Variants in JADE2 observed in about 807,000 individuals in gnomAD.
JADE2 encodes the protein jade family PHD finger 2.
JADE2 carries 13 observed loss-of-function variants against 85.7 expected under a neutral mutation model. The ratio of observed to expected loss-of-function variants is 0.15; its 90% CI spans 0.10 to 0.24. JADE2 has a LOEUF of 0.24. Ranked by LOEUF, JADE2 falls within the 10% of genes least tolerant of loss-of-function variation. JADE2 has a pLI of 1.00. For missense variants in JADE2, 846 were observed against 1,115.9 expected (o/e 0.76, Z 3.45); for synonymous variants, 440 against 456.1 (o/e 0.96, Z 0.45).
Position 134,551,529 on chromosome 5 carries a change from CT to C in JADE2, c.154-509del, listed in dbSNP as rs572386911. On this transcript the variant is annotated intron_variant, in intron 3 of 11. Transcript: ENST00000681547. ...CAGGTGTGAGCCACCTTGCCTGGCC[CT>C]TTTTTTTTTTTTTAATTTTTTAATT... Among the ~76,000 whole-genome samples the C allele has an allele frequency of 7.6e-3, 1,086 of 142,620 alleles. 8 individuals carry two copies. Among genetic ancestry groups the C allele is most frequent in the African/African-American group, 0.018 (713 of 39,182 alleles). 93.6% of individuals were successfully genotyped at this position (142,620 alleles called of 152,430 possible). A position where few individuals can be genotyped will look rare whatever the true frequency, so the allele number is the denominator to read the frequency against.
intron 1 of JADE2, among the ~76,000 whole-genome samples, chr5:134,533,233 C>T (rs186639117): frequency 1.1e-4 from 17 of 152,344 alleles, no homozygotes; most frequent in African/African-American, 4.1e-4. Context: ...TACTATCTGG[C>T]ACCCATATGG....
intron 3 of JADE2, among the ~76,000 whole-genome samples, chr5:134,551,047 C>T (rs1017037209): frequency 2.0e-5 from 3 of 152,112 alleles, no homozygotes; most frequent in Admixed American, 6.6e-5. Context: ...CCCTAAGCCC[C>T]GGCCGTCCCC....
intron 3 of JADE2, among the ~76,000 whole-genome samples, chr5:134,547,163 C>G (rs1050365434): frequency 1.3e-5 from 2 of 152,168 alleles, no homozygotes; most frequent in African/African-American, 4.8e-5. Flanking sequence ...TCTGCAGTCT[C>G]AGAAAAAGAC....
At chr5:134,572,719 C>T (rs142309068) in intron 9 of JADE2, among the ~76,000 whole-genome samples, 230 of 152,326 alleles carry the variant, frequency 1.5e-3, no homozygotes, top group African/African-American at 5.2e-3. Context: ...TGTGGCCTGC[C>T]CTGAGAGCAG....
intron 6 of JADE2, 132 bp downstream of exon 6, chr5:134,561,089 AT>A (rs1763295295): frequency 1.3e-6 from 1 of 759,380 alleles, no homozygotes; most frequent in African/African-American, 1.7e-5. Context: ...AATGGTGAGG[AT>A]GCTTCATGGT....
chr5:134,566,612 C>A lies in JADE2; in HGVS notation c.1434+32C>A. Reference sequence around the variant, plus strand: ...CCCCATGCCGCCTGCCCACCCCCTGCCTGGTGGGTCCAGGAGTCCTTTCCA... The same window carrying A: ...CCCCATGCCGCCTGCCCACCCCCTGACTGGTGGGTCCAGGAGTCCTTTCCA... On this transcript the variant is annotated intron_variant, in intron 9 of 11. Coordinates refer to ENST00000681547, the MANE Select transcript of JADE2 (RefSeq NM_001388185.1). The surrounding 1 kb of genome is among the most constrained non-coding windows in gnomAD (Gnocchi z 6.7). The A allele has an allele frequency of 6.9e-7, 1 of 1,453,248 alleles. No individual in the cohort carries two copies. Among genetic ancestry groups the A allele is most frequent in the Non-Finnish European group, 9.3e-7 (1 of 1,072,650 alleles). The allele number at this position is 1,453,248 out of a possible 1,614,324, so 90.0% of individuals were successfully genotyped here. A position where few individuals can be genotyped will look rare whatever the true frequency, so the allele number is the denominator to read the frequency against.
chr5:134,544,381 C>T, intron 3 of JADE2: 1 of 165,822 alleles, frequency 6.0e-6, no homozygotes. Context: ...GCCAAAACAC[C>T]CAGGCTTTGC....
chr5:134,566,415 G>C lies in JADE2; in HGVS notation c.1269G>C (p.Leu423=), dbSNP rs562405170. The C allele has an allele frequency of 6.8e-6, 11 of 1,613,918 alleles. No individual in the cohort carries two copies. The South Asian group carries it at 1.2e-4, about 18-fold the overall frequency. The change falls in exon 9 of 12, where the codon CTG becomes CTC. Residue 423 remains leucine (L), a synonymous_variant. Coordinates refer to ENST00000681547, the MANE Select transcript of JADE2 (RefSeq NM_001388185.1). This position sits in a 1 kb window ranked among gnomAD's most constrained non-coding sequence, Gnocchi z 6.7. The part of the protein sequence containing the change: ...VAERLDLAEA[L]VDFIYQYWKL... ...AGCGGCTGGACCTGGCTGAGGCACT[G>C]GTCGACTTCATCTACCAGTACTGGA... is the stretch of plus-strand genomic sequence containing the variant.
chr5:134,573,853 G>T (rs545285071), intron 10 of JADE2, 91 bp downstream of exon 10: 5 of 858,022 alleles, frequency 5.8e-6, no homozygotes, highest in Non-Finnish European at 1.0e-5. Context: ...GGATCCTGGT[G>T]GGGGTATGTG....
At position 134,571,697 on chromosome 5, in the gene JADE2, G is replaced by A. The variant is rs776522929; in HGVS notation, c.1435-1948G>A. Among the ~76,000 whole-genome samples the A allele has an allele frequency of 3.3e-5, 5 of 151,936 alleles. No individual in the cohort carries two copies. In the South Asian group the frequency reaches 8.3e-4, roughly 25 times the overall value. On this transcript the variant is annotated intron_variant, in intron 9 of 11. Coordinates refer to ENST00000681547, the MANE Select transcript of JADE2 (RefSeq NM_001388185.1). Reference sequence around the variant, plus strand: ...AGGCGACAGACCGAGACCCCGTCTCGAAAGAAAAAAAAGAAAATCCAATCC... The same window carrying A: ...AGGCGACAGACCGAGACCCCGTCTCAAAAGAAAAAAAAGAAAATCCAATCC...
chr5:134,527,934 T>G (rs1760973163), intron 1 of JADE2, among the ~76,000 whole-genome samples: 1 of 152,174 alleles, frequency 6.6e-6, no homozygotes, highest in Non-Finnish European at 1.5e-5. Flanking sequence ...CTAGCACCCC[T>G]GGGTCATCTT....
intron 3 of JADE2, among the ~76,000 whole-genome samples, chr5:134,548,412 T>TA (rs2149921318): frequency 6.6e-6 from 1 of 152,308 alleles, no homozygotes; most frequent in South Asian, 2.1e-4. Flanking sequence ...TGGTAGTACT[T>TA]ACCTCACAGA....
chr5:134,577,101 A>C, intron 11 of JADE2: 1 of 585,350 alleles, frequency 1.7e-6, no homozygotes, highest in Non-Finnish European at 2.9e-6. Context: ...ATCCTGGGAA[A>C]TGCCCCGTCT....
At chr5:134,574,173 G>T in intron 10 of JADE2, 1 of 293,844 alleles carries the variant, frequency 3.4e-6, no homozygotes, top group Admixed American at 5.1e-5. Flanking sequence ...TCCGAAGAAG[G>T]CAGCTGTCCC....
chr5:134,571,426 C>T lies in JADE2; in HGVS notation c.1435-2219C>T, dbSNP rs552110981. Among the ~76,000 whole-genome samples the T allele has an allele frequency of 1.1e-4, 17 of 152,282 alleles. No individual in the cohort carries two copies. In the East Asian group the frequency reaches 1.4e-3, roughly 12 times the overall value. ...TGAAAATCCAGCCCTGGGCCGGGCG[C>T]GGTGGCTCACGCCTGTAATCCCAGA... On this transcript the variant is annotated intron_variant, in intron 9 of 11. Coordinates refer to ENST00000681547, the MANE Select transcript of JADE2 (RefSeq NM_001388185.1).
chr5:134,566,636 C>T lies in JADE2; in HGVS notation c.1434+56C>T, dbSNP rs1230340563. 2.3e-6 allele frequency: 3 copies of T among 1,278,466 alleles called. No individual in the cohort carries two copies. In the African/African-American group the frequency reaches 4.5e-5, roughly 19 times the overall value. 79.2% of individuals were successfully genotyped at this position (1,278,466 alleles called of 1,614,324 possible). A position where few individuals can be genotyped will look rare whatever the true frequency, so the allele number is the denominator to read the frequency against. On this transcript the variant is annotated intron_variant, in intron 9 of 11. Transcript: ENST00000681547. The surrounding 1 kb of genome is among the most constrained non-coding windows in gnomAD (Gnocchi z 6.7). Reference sequence around the variant, plus strand: ...GCCTGGTGGGTCCAGGAGTCCTTTCCATGCCACACTCACTGCCCTGGAGCA... The same window carrying T: ...GCCTGGTGGGTCCAGGAGTCCTTTCTATGCCACACTCACTGCCCTGGAGCA...
intron 9 of JADE2, among the ~76,000 whole-genome samples, chr5:134,572,855 G>GC (rs1561763186): frequency 1.3e-5 from 2 of 152,242 alleles, no homozygotes; most frequent in Non-Finnish European, 2.9e-5. Context: ...TAGCAAGCTG[G>GC]TGTCTAAGGC....
chr5:134,563,367 T>C (rs1561753324), intron 7 of JADE2, among the ~76,000 whole-genome samples: 1 of 149,646 alleles, frequency 6.7e-6, no homozygotes, highest in African/African-American at 2.5e-5. Context: ...AGTTGGCTAG[T>C]GGGCCTGCTG....
At chr5:134,533,499 T>C (rs1489983116) in intron 1 of JADE2, 2 of 983,628 alleles carry the variant, frequency 2.0e-6, no homozygotes, top group African/African-American at 3.5e-5. Flanking sequence ...ACTTCTGCTT[T>C]TAATACTGTG....
Sources: allele counts gnomAD v4.1 joint callset (sites outside exome capture counted in the v4.1 genomes callset), GRCh38; gene constraint gnomAD v4.1.1; non-coding constraint Gnocchi (gnomAD v3.1); transcripts MANE v1.5; gene names NCBI Gene and HGNC (gene_info 2026-07-23, HGNC 2026-07-21).